The following PPIL2 variants were observed in gnomAD, a reference collection of about 807,000 sequenced individuals.
PPIL2 encodes the protein peptidylprolyl isomerase like 2, also known as RING-type E3 ubiquitin-protein ligase PPIL2.
In PPIL2, 50 loss-of-function variants were observed where a neutral mutation model predicts 75.2. The observed-to-expected ratio is 0.66, with a 90% CI of 0.53 to 0.84. The LOEUF (loss-of-function observed/expected upper bound fraction) is 0.84. Among genes scored for constraint, PPIL2 ranks in the 40% least tolerant of loss-of-function variants. PPIL2 has a pLI of 0.00. For synonymous variants in PPIL2, 245 were observed against 258.8 expected (o/e 0.95, Z 0.51); for missense variants, 590 against 685.0 (o/e 0.86, Z 1.55).
intron 6 of PPIL2, among the ~76,000 whole-genome samples, chr22:21,680,461 A>T (rs1398917795): frequency 6.6e-6 from 1 of 151,962 alleles, no homozygotes; most frequent in East Asian, 1.9e-4. Context: ...AACCCAGGAG[A>T]TGGAGGTTGC....
chr22:21,687,811 C>A, intron 13 of PPIL2, 79 bp downstream of exon 13: 2 of 1,407,812 alleles, frequency 1.4e-6, no homozygotes, highest in Non-Finnish European at 2.0e-6. Flanking sequence ...CCTGCCCCAT[C>A]CCAGGGCCCT....
chr22:21,675,177 A>C, intron 6 of PPIL2, 62 bp downstream of exon 6: 38 of 1,419,730 alleles, frequency 2.7e-5, no homozygotes, highest in Non-Finnish European at 3.2e-5. Context: ...CCCAGCTCTC[A>C]CCAGTTTTCA....
rs752623624 is a variant in PPIL2, at chr22:21,672,310, C to G, written c.192-20C>G. 1.4e-4 allele frequency: 229 copies of G among 1,605,588 alleles called. No individual in the cohort carries two copies. The highest frequency in any genetic ancestry group is 7.7e-4 in the Admixed American group (46 of 59,988). On this transcript the variant is annotated intron_variant, in intron 4 of 19. Coordinates refer to ENST00000398831, the MANE Select transcript of PPIL2 (RefSeq NM_014337.4). Reference sequence around the variant, plus strand: ...CGCCTAAGCACCCTGGTGATGCTTTCTGTTCTGTCTTCCCTTCAGGAACAT... The same window carrying G: ...CGCCTAAGCACCCTGGTGATGCTTTGTGTTCTGTCTTCCCTTCAGGAACAT...
intron 9 of PPIL2, 127 bp downstream of exon 9, chr22:21,683,384 C>A: frequency 1.3e-6 from 1 of 766,652 alleles, no homozygotes; most frequent in East Asian, 2.6e-5. Context: ...CCTGCATTTT[C>A]TGAACTAGTG....
At chr22:21,684,649 C>A in intron 9 of PPIL2, 104 bp from the exon 10 acceptor site, 1 of 1,423,958 alleles carries the variant, frequency 7.0e-7, no homozygotes, top group Non-Finnish European at 9.4e-7. Flanking sequence ...GGTGCCTGCG[C>A]CATGGCTGGA....
intron 1 of PPIL2, among the ~76,000 whole-genome samples, chr22:21,666,488 C>T (rs1174977404): frequency 6.6e-6 from 1 of 152,180 alleles, no homozygotes; most frequent in African/African-American, 2.4e-5. Context: ...GCCTATCAGC[C>T]TGCAAACGTG....
intron 10 of PPIL2, among the ~76,000 whole-genome samples, chr22:21,686,233 T>G (rs1461453001): frequency 1.3e-5 from 2 of 152,134 alleles, no homozygotes; most frequent in African/African-American, 4.8e-5. Flanking sequence ...GCCAGTCCTG[T>G]GTGGTATTTT....
intron 5 of PPIL2, among the ~76,000 whole-genome samples, chr22:21,674,855 G>A (rs1335131732): frequency 6.6e-6 from 1 of 152,208 alleles, no homozygotes; most frequent in African/African-American, 2.4e-5. Flanking sequence ...TCTTCTCAGA[G>A]CGTGGTGGGG....
chr22:21,698,205 T>G (rs1244492724), downstream of PPIL2: 2 of 146,462 alleles, frequency 1.4e-5, no homozygotes, highest in Admixed American at 6.9e-5. Context: ...AATGAGCTTG[T>G]ATTTTGCAGA....
chr22:21,681,332 TCAC>T lies in PPIL2; in HGVS notation c.332_334del (p.Thr111del). The T allele has an allele frequency of 6.2e-7, 1 of 1,614,166 alleles. No homozygotes were observed. Among genetic ancestry groups the T allele is most frequent in the Non-Finnish European group, 8.5e-7 (1 of 1,179,990 alleles). On this transcript the variant is annotated inframe_deletion, in exon 7 of 20. Coordinates refer to ENST00000398831, the MANE Select transcript of PPIL2 (RefSeq NM_014337.4). Reference sequence around the variant, plus strand: ...CACTGCCCAGTGCTGTTTACCGTGTTCACCAACAACACCCACATCGTGGCTGTG... The same window carrying T: ...CACTGCCCAGTGCTGTTTACCGTGTTCAACAACACCCACATCGTGGCTGTG...
chr22:21,689,428 G>A (rs894680932), intron 15 of PPIL2, among the ~76,000 whole-genome samples: 5 of 152,188 alleles, frequency 3.3e-5, no homozygotes, highest in Admixed American at 6.5e-5. Flanking sequence ...TGTGACTTCC[G>A]GGATAAAGCA....
At chr22:21,675,018 CAGTT>C in intron 5 of PPIL2, 42 bp from the exon 6 acceptor site, 5 of 1,510,234 alleles carry the variant, frequency 3.3e-6, no homozygotes, top group Non-Finnish European at 4.6e-6. Flanking sequence ...CTCTGTGCAT[CAGTT>C]ACTTATTCAT....
chr22:21,685,011 T>C, intron 10 of PPIL2, 98 bp downstream of exon 10: 1 of 1,476,072 alleles, frequency 6.8e-7, no homozygotes, highest in African/African-American at 1.4e-5. Context: ...CATGGGGGCC[T>C]GGGATACACG....
chr22:21,689,439 A>G (rs1439709736), intron 15 of PPIL2, among the ~76,000 whole-genome samples: 1 of 152,056 alleles, frequency 6.6e-6, no homozygotes, highest in Non-Finnish European at 1.5e-5. Context: ...GGATAAAGCA[A>G]CCTCTTAAGG....
At chr22:21,668,243 A>G (rs1016263988) in intron 1 of PPIL2, among the ~76,000 whole-genome samples, 6 of 152,182 alleles carry the variant, frequency 3.9e-5, no homozygotes, top group Admixed American at 1.3e-4. Flanking sequence ...GTTCCTGGCC[A>G]TGATGGGATA....
intron 2 of PPIL2, chr22:21,670,247 G>A: frequency 1.6e-6 from 2 of 1,249,324 alleles, no homozygotes; most frequent in Non-Finnish European, 2.2e-6. Flanking sequence ...ACATTTAAAT[G>A]TTTTTTCTCT....
At chr22:21,693,390 C>T (rs1242753421) in intron 15 of PPIL2, among the ~76,000 whole-genome samples, 6 of 152,204 alleles carry the variant, frequency 3.9e-5, no homozygotes, top group Non-Finnish European at 7.3e-5. Flanking sequence ...ATGTTACCCA[C>T]GTTTCTTAAT....
intron 5 of PPIL2, among the ~76,000 whole-genome samples, chr22:21,673,271 C>T (rs2066706563): frequency 1.3e-5 from 2 of 152,204 alleles, no homozygotes; most frequent in Non-Finnish European, 2.9e-5. Flanking sequence ...GGGGCTTCCC[C>T]CAAGGTCCGT....
chr22:21,696,008 C>A lies in PPIL2; in HGVS notation c.*518C>A. Reference sequence around the variant, plus strand: ...AGCTGTATATGTCTGGTTTTCTTACCCCTACTTCTGTCATCTTCTCAGGGA... The same window carrying A: ...AGCTGTATATGTCTGGTTTTCTTACACCTACTTCTGTCATCTTCTCAGGGA... On this transcript the variant is annotated 3_prime_UTR_variant, in exon 20 of 20. Coordinates refer to ENST00000398831, the MANE Select transcript of PPIL2 (RefSeq NM_014337.4). 1 of 535,146 alleles carries A rather than the reference C, an allele frequency of 1.9e-6. No individual in the cohort carries two copies. Among genetic ancestry groups the A allele is most frequent in the Non-Finnish European group, 2.4e-6 (1 of 412,852 alleles). The allele number at this position is 535,146 out of a possible 1,614,324, so 33.1% of individuals were successfully genotyped here.
Sources: gnomAD v4.1 joint callset for allele counts (sites outside exome capture counted in the v4.1 genomes callset) on GRCh38, gnomAD v4.1.1 for gene constraint, MANE v1.5 for transcripts, NCBI Gene and HGNC (gene_info 2026-07-23, HGNC 2026-07-21) for gene names.